Variants in NDST4 observed in about 807,000 individuals in gnomAD.
NDST4 encodes N-heparan sulfate sulfotransferase 4.
NDST4 carries 63 observed loss-of-function variants against 100.8 expected under a neutral mutation model. The observed-to-expected ratio is 0.62, with a 90% CI of 0.51 to 0.77. The LOEUF is 0.77. Among genes scored for constraint, NDST4 ranks in the 30% least tolerant of loss-of-function variants. The pLI is 0.00. For missense variants in NDST4, 943 were observed against 1,018.4 expected (o/e 0.93, Z 1.01); for synonymous variants, 377 against 361.8 (o/e 1.04, Z -0.48).
intron 6 of NDST4, among the ~76,000 whole-genome samples, chr4:114,914,432 A>G (rs1388798917): frequency 6.6e-6 from 1 of 152,148 alleles, no homozygotes; most frequent in East Asian, 1.9e-4. Flanking sequence ...CATACATCCC[A>G]TAAATATATA....
chr4:114,872,229 T>C (rs979460716), intron 6 of NDST4, among the ~76,000 whole-genome samples: 1 of 151,994 alleles, frequency 6.6e-6, no homozygotes, highest in Non-Finnish European at 1.5e-5. Flanking sequence ...GGAGGCCTTT[T>C]ATCTTAAAAA....
chr4:114,956,294 T>G (rs975183804), intron 4 of NDST4, among the ~76,000 whole-genome samples: 2 of 152,088 alleles, frequency 1.3e-5, no homozygotes, highest in South Asian at 4.1e-4. Context: ...GAGAGGCAGG[T>G]CTCAAGAAGA....
intron 11 of NDST4, among the ~76,000 whole-genome samples, chr4:114,835,416 G>T (rs1723287283): frequency 6.6e-6 from 1 of 152,202 alleles, no homozygotes; most frequent in African/African-American, 2.4e-5. Context: ...TTTCCGTGTA[G>T]TTGTGCGGTT....
chr4:114,898,927 T>G lies in NDST4; in HGVS notation c.1537-27977A>C, dbSNP rs113639450. ...TTCCAGGAGGGTTTTTTTTTGTCAA[T>G]TATCTCAGATGTTTTACATAGACAA... is the stretch of plus-strand genomic sequence containing the variant. On this transcript the variant is annotated intron_variant, in intron 6 of 13. Coordinates refer to ENST00000264363, the MANE Select transcript of NDST4 (RefSeq NM_022569.3). 1.5e-3 allele frequency among the ~76,000 whole-genome samples: 235 copies of G among 152,242 alleles called. 1 individual carries two copies. Among genetic ancestry groups the G allele is most frequent in the African/African-American group, 5.0e-3 (209 of 41,542 alleles).
At chr4:114,970,768 G>T (rs374121700) in intron 3 of NDST4, among the ~76,000 whole-genome samples, 184 bp from the exon 4 acceptor site, 1 of 152,228 alleles carries the variant, frequency 6.6e-6, no homozygotes, top group African/African-American at 2.4e-5. Flanking sequence ...TTGGGATTAG[G>T]ATGGGGTGAG....
At chr4:114,854,141 C>A (rs28525562) in intron 7 of NDST4, among the ~76,000 whole-genome samples, 40,111 of 152,090 alleles carry the variant, frequency 0.26, 7,990 homozygotes, top group African/African-American at 0.56. Flanking sequence ...GCCCCTGGTA[C>A]CCATCATTGT....
intron 5 of NDST4, 146 bp downstream of exon 5, chr4:114,937,172 A>C: frequency 2.3e-6 from 2 of 853,376 alleles, no homozygotes; most frequent in Non-Finnish European, 3.6e-6. Context: ...GTTAATGCAT[A>C]ACCAGTCACC....
At chr4:115,013,370 T>TATATATATATATATATATATATATACAC (rs74678897) in intron 2 of NDST4, among the ~76,000 whole-genome samples, 3 of 71,448 alleles carry the variant, frequency 4.2e-5, no homozygotes, top group Admixed American at 1.7e-4. Flanking sequence ...TATATATATA[T>TATATATATATATATATATATATATACAC]ACACACACAT....
intron 6 of NDST4, among the ~76,000 whole-genome samples, chr4:114,872,598 T>C (rs1317801389): frequency 2.6e-5 from 4 of 152,056 alleles, no homozygotes; most frequent in Admixed American, 2.6e-4. Flanking sequence ...GGCTTTAATG[T>C]CTCTAACTTA....
chr4:114,832,475 C>T (rs928007341), intron 12 of NDST4, among the ~76,000 whole-genome samples: 1 of 152,120 alleles, frequency 6.6e-6, no homozygotes, highest in Admixed American at 6.5e-5. Flanking sequence ...AAAGTACAAT[C>T]CCTTTTAAGG....
At chr4:114,864,761 C>G (rs1042569371) in intron 7 of NDST4, among the ~76,000 whole-genome samples, 1 of 152,106 alleles carries the variant, frequency 6.6e-6, no homozygotes, top group Non-Finnish European at 1.5e-5. Flanking sequence ...ACTTAATAGA[C>G]TGATTTGTCA....
intron 7 of NDST4, among the ~76,000 whole-genome samples, chr4:114,862,081 A>G (rs1723929892): frequency 6.6e-6 from 1 of 152,156 alleles, no homozygotes; most frequent in African/African-American, 2.4e-5. Flanking sequence ...CTACAACCCA[A>G]TACTTAAGAA....
intron 11 of NDST4, among the ~76,000 whole-genome samples, chr4:114,837,421 A>C (rs1723327789): frequency 6.6e-6 from 1 of 152,158 alleles, no homozygotes; most frequent in Non-Finnish European, 1.5e-5. Flanking sequence ...ACCTGACTTC[A>C]AACTATAGTA....
At chr4:115,002,211 G>A (rs182665694) in intron 2 of NDST4, among the ~76,000 whole-genome samples, 1 of 152,140 alleles carries the variant, frequency 6.6e-6, no homozygotes, top group Non-Finnish European at 1.5e-5. Context: ...GCATGAGATG[G>A]TATCTCACTG....
chr4:114,932,984 A>G (rs779564393), intron 6 of NDST4, among the ~76,000 whole-genome samples: 2 of 152,214 alleles, frequency 1.3e-5, no homozygotes, highest in East Asian at 1.9e-4. Flanking sequence ...TAAAATTTCT[A>G]TGGATTCACA....
intron 6 of NDST4, among the ~76,000 whole-genome samples, chr4:114,885,938 G>A (rs1200073444): frequency 2.6e-5 from 4 of 151,918 alleles, no homozygotes; most frequent in South Asian, 2.1e-4. Flanking sequence ...AGTTATAACT[G>A]AGCAGGTAAA....
intron 6 of NDST4, among the ~76,000 whole-genome samples, chr4:114,919,916 A>G (rs1031940115): frequency 1.1e-4 from 16 of 152,146 alleles, no homozygotes; most frequent in Non-Finnish European, 2.4e-4. Flanking sequence ...TATTCATTCA[A>G]CAGATATATA....
chr4:114,932,574 A>G (rs1337437604), intron 6 of NDST4, among the ~76,000 whole-genome samples: 1 of 152,034 alleles, frequency 6.6e-6, no homozygotes, highest in Non-Finnish European at 1.5e-5. Context: ...TTTGCAGATA[A>G]CATGCTCTTT....
chr4:115,077,708 T>A (rs1476923814), intron 1 of NDST4, among the ~76,000 whole-genome samples: 1 of 152,186 alleles, frequency 6.6e-6, no homozygotes, highest in Non-Finnish European at 1.5e-5. Flanking sequence ...TGCTCTTAGG[T>A]ATCTGCCTGA....
Sources: allele counts gnomAD v4.1 joint callset (sites outside exome capture counted in the v4.1 genomes callset), GRCh38; gene constraint gnomAD v4.1.1; transcripts MANE v1.5; gene names NCBI Gene and HGNC (gene_info 2026-07-23, HGNC 2026-07-21).